Variants in C10orf143 observed in about 807,000 individuals in gnomAD.
C10orf143 encodes the protein uncharacterized protein C10orf143.
chr10:130,090,891 T>C (rs574509467), intron 1 of C10orf143, among the ~76,000 whole-genome samples: 1 of 152,234 alleles, frequency 6.6e-6, no homozygotes, highest in South Asian at 2.1e-4. Flanking sequence ...GGTCAGGGCA[T>C]CTCTAAAAGA....
At chr10:130,105,765 C>G (rs1861631718) in intron 1 of C10orf143, among the ~76,000 whole-genome samples, 1 of 151,970 alleles carries the variant, frequency 6.6e-6, no homozygotes, top group Admixed American at 6.6e-5. Flanking sequence ...CAAAACAAAA[C>G]TCCCCACCTC....
chr10:130,079,052 C>T (rs1011528680), intron 3 of C10orf143, among the ~76,000 whole-genome samples: 12 of 151,450 alleles, frequency 7.9e-5, no homozygotes, highest in Admixed American at 7.2e-4. Flanking sequence ...TTATGATATT[C>T]TGCCCAGTAG....
chr10:130,060,388 A>G (rs1173692488), downstream of C10orf143, among the ~76,000 whole-genome samples: 1 of 152,160 alleles, frequency 6.6e-6, no homozygotes, highest in Admixed American at 6.5e-5. Flanking sequence ...CAACCTAAGC[A>G]CTCATTATGA....
chr10:130,094,861 T>C (rs528915532), intron 1 of C10orf143, among the ~76,000 whole-genome samples: 6 of 152,290 alleles, frequency 3.9e-5, no homozygotes, highest in African/African-American at 1.2e-4. Flanking sequence ...AACATAGTAT[T>C]GGAAGTTCTG....
At chr10:130,046,126 TG>T (rs931848834) in intron 3 of C10orf143, among the ~76,000 whole-genome samples, 2 of 69,628 alleles carry the variant, frequency 2.9e-5, no homozygotes, top group African/African-American at 1.1e-4. Context: ...GGGCGTGGCG[TG>T]GGGCACAGGA....
At chr10:130,091,506 TCTC>T (rs1199194675) in intron 1 of C10orf143, among the ~76,000 whole-genome samples, 2 of 152,078 alleles carry the variant, frequency 1.3e-5, no homozygotes, top group South Asian at 2.1e-4. Context: ...GAATGCCTCT[TCTC>T]CTCCAAAGGA....
At chr10:130,086,427 C>G (rs2134779793) in intron 1 of C10orf143, among the ~76,000 whole-genome samples, 1 of 152,244 alleles carries the variant, frequency 6.6e-6, no homozygotes. Context: ...CTTATTCTGC[C>G]ATATATTACA....
At chr10:130,062,420 C>T (rs1281659631), downstream of C10orf143, among the ~76,000 whole-genome samples, 1 of 152,170 alleles carries the variant, frequency 6.6e-6, no homozygotes, top group Non-Finnish European at 1.5e-5. Context: ...CAGCTGCCAG[C>T]TTGGCCAGAA....
intron 3 of C10orf143, among the ~76,000 whole-genome samples, chr10:130,050,467 T>G (rs1290154527): frequency 1.3e-5 from 2 of 152,194 alleles, no homozygotes; most frequent in Non-Finnish European, 2.9e-5. Context: ...AAAGCTGCAG[T>G]GAGCCCTGGT....
chr10:130,106,097 G>A (rs746876002), intron 1 of C10orf143: 1 of 627,332 alleles, frequency 1.6e-6, no homozygotes, highest in Admixed American at 2.0e-5. Context: ...GGTCCTGGGG[G>A]AGCCACGCAG....
downstream of C10orf143, chr10:130,063,792 A>T (rs763969824): frequency 6.6e-6 from 1 of 152,258 alleles, no homozygotes; most frequent in Admixed American, 6.5e-5. Context: ...AGAGAAAATG[A>T]GTAATTTCCA....
At position 130,108,047 on chromosome 10, in the gene C10orf143, C is replaced by T. The variant is rs141297286; in HGVS notation, c.69+2657G>A. Reference sequence around the variant, plus strand: ...CAGTAGAAATGACACCAAAGATGATCTTGGTAATTTAAATATCCCTGATTC... The same window carrying T: ...CAGTAGAAATGACACCAAAGATGATTTTGGTAATTTAAATATCCCTGATTC... On this transcript the variant is annotated intron_variant, in intron 1 of 3. Coordinates refer to ENST00000637128, the MANE Select transcript of C10orf143 (RefSeq NM_001355042.2). 3.3e-3 allele frequency: 4,841 copies of T among 1,480,486 alleles called. 96 individuals carry two copies. In the East Asian group the frequency reaches 0.042, roughly 13 times the overall value. The allele number at this position is 1,480,486 out of a possible 1,614,324, so 91.7% of individuals were successfully genotyped here. A position where few individuals can be genotyped will look rare whatever the true frequency, so the allele number is the denominator to read the frequency against.
intron 3 of C10orf143, among the ~76,000 whole-genome samples, chr10:130,077,441 A>G (rs1250847503): frequency 6.6e-6 from 1 of 152,206 alleles, no homozygotes; most frequent in Non-Finnish European, 1.5e-5. Flanking sequence ...CAGCCACCAA[A>G]TAAACTGAGA....
At chr10:130,049,534 T>C (rs1860713695) in intron 3 of C10orf143, among the ~76,000 whole-genome samples, 1 of 152,170 alleles carries the variant, frequency 6.6e-6, no homozygotes. Context: ...CCCGGGAAGA[T>C]GCTTGAGTAC....
In C10orf143 at chr10:130,064,402, A is replaced by G. The variant is rs145785991; in HGVS notation, c.298-19T>C. The G allele has an allele frequency of 2.0e-4, 79 of 398,620 alleles. No individual in the cohort carries two copies. Among genetic ancestry groups the G allele is most frequent in the African/African-American group, 1.4e-3 (69 of 48,762 alleles). 24.7% of individuals were successfully genotyped at this position (398,620 alleles called of 1,614,324 possible). ...AATGTCCCTACAAAGATAAAACAGC[A>G]CATTGCGGGAATTAATTTACCTTGG... On this transcript the variant is annotated intron_variant, in intron 3 of 3. Coordinates refer to ENST00000637128, the MANE Select transcript of C10orf143 (RefSeq NM_001355042.2).
chr10:130,078,993 G>A (rs1357016547), intron 3 of C10orf143, among the ~76,000 whole-genome samples: 1 of 152,020 alleles, frequency 6.6e-6, no homozygotes, highest in Non-Finnish European at 1.5e-5. Context: ...CTTGTTCTTG[G>A]AGTAAGTTCA....
intron 3 of C10orf143, among the ~76,000 whole-genome samples, chr10:130,055,566 C>A (rs929596824): frequency 6.6e-6 from 1 of 152,176 alleles, no homozygotes; most frequent in Non-Finnish European, 1.5e-5. Flanking sequence ...GATTTAAACT[C>A]ATTTTTAAAA....
At chr10:130,057,419 G>C (rs1420153746) in intron 3 of C10orf143, among the ~76,000 whole-genome samples, 1 of 152,126 alleles carries the variant, frequency 6.6e-6, no homozygotes, top group East Asian at 1.9e-4. Context: ...GGACCACCCT[G>C]TCTTTCTACC....
At chr10:130,073,740 C>T (rs1861069899) in intron 3 of C10orf143, among the ~76,000 whole-genome samples, 1 of 151,946 alleles carries the variant, frequency 6.6e-6, no homozygotes, top group Non-Finnish European at 1.5e-5. Flanking sequence ...TTCTTCTAGT[C>T]ATCTGAAGCC....
Sources: allele counts gnomAD v4.1 joint callset (sites outside exome capture counted in the v4.1 genomes callset), GRCh38; gene constraint gnomAD v4.1.1; transcripts MANE v1.5; gene names NCBI Gene and HGNC (gene_info 2026-07-23, HGNC 2026-07-21).